RBPMS: variants seen among roughly 807,000 people sequenced by gnomAD.
The protein encoded by RBPMS is RNA-binding protein with multiple splicing.
RBPMS carries 7 observed loss-of-function variants against 26.8 expected under a neutral mutation model. The ratio of observed to expected loss-of-function variants is 0.26; its 90% confidence interval spans 0.15 to 0.49. The LOEUF (loss-of-function observed/expected upper bound fraction) is 0.49. Among genes scored for constraint, RBPMS ranks in the 20% least tolerant of loss-of-function variants. The pLI is 0.98. For synonymous variants in RBPMS, 96 were observed against 93.3 expected, an observed-to-expected ratio of 1.03 and a Z score of -0.17; for missense variants, 186 against 250.0, an observed-to-expected ratio of 0.74 and a Z score of 1.73.
At chr8:30,547,587 C>G in intron 6 of RBPMS, 1 of 1,055,178 alleles carries the variant, frequency 9.5e-7, no homozygotes, top group Non-Finnish European at 1.3e-6. Context: ...TACTCTCTGA[C>G]TGAGGTTTTG....
chr8:30,462,368 G>T (rs1178551885), intron 1 of RBPMS, among the ~76,000 whole-genome samples: 1 of 152,104 alleles, frequency 6.6e-6, no homozygotes, highest in Non-Finnish European at 1.5e-5. Context: ...ACAATAAAAA[G>T]TGATGATTAA....
intron 6 of RBPMS, among the ~76,000 whole-genome samples, chr8:30,549,021 C>T (rs563321451): frequency 1.3e-5 from 2 of 152,284 alleles, no homozygotes; most frequent in Admixed American, 6.5e-5. Context: ...CGCCCAGCAG[C>T]GAGACAGCTG....
intron 5 of RBPMS, chr8:30,537,448 G>A: frequency 2.5e-6 from 1 of 405,058 alleles, no homozygotes; most frequent in Non-Finnish European, 5.0e-6. Context: ...GAGAAATAGT[G>A]GAGTGGGGAG....
intron 1 of RBPMS, among the ~76,000 whole-genome samples, chr8:30,440,259 T>C (rs1812924291): frequency 6.6e-6 from 1 of 152,134 alleles, no homozygotes; most frequent in Non-Finnish European, 1.5e-5. Context: ...AGTTCAGTAG[T>C]GTTGAGTATA....
chr8:30,470,808 T>A (rs1024650409), intron 1 of RBPMS, among the ~76,000 whole-genome samples: 1 of 152,226 alleles, frequency 6.6e-6, no homozygotes, highest in Non-Finnish European at 1.5e-5. Context: ...TCTTGGCATC[T>A]ATGGGTGAGT....
At chr8:30,512,411 C>T (rs889674568) in intron 5 of RBPMS, among the ~76,000 whole-genome samples, 3 of 152,098 alleles carry the variant, frequency 2.0e-5, no homozygotes, top group Non-Finnish European at 4.4e-5. Flanking sequence ...GTTCTCACCT[C>T]GTGGACCCCT....
intron 7 of RBPMS, 32 bp downstream of exon 7, chr8:30,558,988 A>T: frequency 2.5e-6 from 4 of 1,586,776 alleles, no homozygotes; most frequent in Non-Finnish European, 3.5e-6. Flanking sequence ...GAATGTGCGA[A>T]GCCCCTAGAA....
At chr8:30,516,577 A>G (rs1032918650) in intron 5 of RBPMS, among the ~76,000 whole-genome samples, 4 of 152,162 alleles carry the variant, frequency 2.6e-5, no homozygotes, top group East Asian at 1.9e-4. Context: ...CAAATGCCCA[A>G]TTCTCTCCCA....
intron 5 of RBPMS, among the ~76,000 whole-genome samples, chr8:30,515,175 T>A (rs1452473659): frequency 1.3e-5 from 2 of 152,044 alleles, no homozygotes; most frequent in Non-Finnish European, 2.9e-5. Flanking sequence ...TCTTGCTTTG[T>A]TGCCCAGGCT....
At chr8:30,429,551 A>G (rs1391246031) in intron 1 of RBPMS, among the ~76,000 whole-genome samples, 2 of 152,230 alleles carry the variant, frequency 1.3e-5, no homozygotes, top group Non-Finnish European at 2.9e-5. Context: ...AGTGAAATAT[A>G]AAAACAGTCT....
At chr8:30,552,951 TC>T (rs1159777555) in intron 6 of RBPMS, 1 of 152,270 alleles carries the variant, frequency 6.6e-6, no homozygotes, top group African/African-American at 2.4e-5. Flanking sequence ...GACTGGAAGA[TC>T]CGGCAAGAGC....
intron 4 of RBPMS, 135 bp downstream of exon 4, chr8:30,479,512 A>G (rs1351086592): frequency 2.8e-6 from 2 of 719,598 alleles, no homozygotes; most frequent in Non-Finnish European, 4.8e-6. Flanking sequence ...CAATTTAATT[A>G]GCACTCTAAA....
chr8:30,408,616 G>A (rs746710429), intron 1 of RBPMS, among the ~76,000 whole-genome samples: 8 of 152,224 alleles, frequency 5.3e-5, no homozygotes, highest in Non-Finnish European at 8.8e-5. Flanking sequence ...AAGATTTGAT[G>A]TGTGTGAAAG....
At chr8:30,515,814 CCTGT>C (rs758173522) in intron 5 of RBPMS, among the ~76,000 whole-genome samples, 10 of 152,018 alleles carry the variant, frequency 6.6e-5, no homozygotes, top group Non-Finnish European at 1.0e-4. Flanking sequence ...CACCACCTTG[CCTGT>C]CTAATTTTCT....
At chr8:30,545,535 T>G (rs1244127987) in intron 6 of RBPMS, 1 of 768,992 alleles carries the variant, frequency 1.3e-6, no homozygotes, top group Non-Finnish European at 1.6e-6. Context: ...TTTTTAAAAA[T>G]TATTAGGCTG....
intron 7 of RBPMS, among the ~76,000 whole-genome samples, chr8:30,562,445 G>C (rs1367762649): frequency 6.6e-6 from 1 of 152,134 alleles, no homozygotes; most frequent in African/African-American, 2.4e-5. Context: ...AGGTGAGGAA[G>C]GAGTATGGAT....
intron 1 of RBPMS, among the ~76,000 whole-genome samples, chr8:30,427,633 A>G (rs1037612438): frequency 6.6e-6 from 1 of 152,084 alleles, no homozygotes; most frequent in African/African-American, 2.4e-5. Flanking sequence ...TGTTGTAATT[A>G]TTTTTTATGT....
chr8:30,449,199 A>G (rs1037709673), intron 1 of RBPMS, among the ~76,000 whole-genome samples: 2 of 152,318 alleles, frequency 1.3e-5, no homozygotes, highest in African/African-American at 4.8e-5. Flanking sequence ...AAGGAAAACT[A>G]TAATGTTTTT....
At chr8:30,477,608 G>C (rs917758388) in intron 2 of RBPMS, among the ~76,000 whole-genome samples, 191 bp from the exon 3 acceptor site, 1 of 130,660 alleles carries the variant, frequency 7.7e-6, no homozygotes, top group Non-Finnish European at 1.6e-5. Context: ...TTTTTTAAAG[G>C]CCCCAAGAAT....
Sources: gnomAD v4.1 joint callset for allele counts (sites outside exome capture counted in the v4.1 genomes callset) on GRCh38, gnomAD v4.1.1 for gene constraint, MANE v1.5 for transcripts, NCBI Gene and HGNC (gene_info 2026-07-23, HGNC 2026-07-21) for gene names.